The following TMEM87B variants were observed in gnomAD, a reference collection of about 807,000 sequenced individuals.
TMEM87B encodes transmembrane protein 87B.
TMEM87B carries 83 observed loss-of-function variants against 80.3 expected under a neutral mutation model. The observed-to-expected ratio is 1.03, with a 90% CI of 0.87 to 1.24. TMEM87B has a LOEUF of 1.24. Ranked by LOEUF, TMEM87B falls within the 50% of genes most tolerant of loss-of-function variation. The pLI is 0.00. For missense variants in TMEM87B, 625 were observed against 674.4 expected (o/e 0.93, Z 0.81); for synonymous variants, 219 against 230.5 (o/e 0.95, Z 0.45).
chr2:112,059,141 C>T (rs530675004), intron 1 of TMEM87B, among the ~76,000 whole-genome samples: 11 of 152,222 alleles, frequency 7.2e-5, no homozygotes, highest in African/African-American at 2.6e-4. Context: ...CTTGTCCTAT[C>T]AGTGTTTTTT....
rs757629241 is a variant in TMEM87B, at chr2:112,089,651, G to A, written c.965G>A (p.Arg322Gln). 2.0e-5 allele frequency: 33 copies of A among 1,614,094 alleles called. No individual in the cohort carries two copies. The highest frequency in any genetic ancestry group is 3.3e-5 in the South Asian group (3 of 91,074). ...VKPRLGTVMH[R>Q]VIGLGLLYLI... ...CCTCGTTTAGGAACAGTCATGCACC[G>A]GGTGATCGGACTGGGGCTTCTATAC... The change falls in exon 10 of 19, where the codon CGG becomes CAG. Residue 322 changes from arginine (R) to glutamine (Q), a missense_variant. By Grantham distance (43) the Arg-to-Gln change is conservative (BLOSUM62 1). Transcript: ENST00000283206.
chr2:112,077,170 A>C (rs1198781024), intron 5 of TMEM87B, 22 bp from the exon 6 acceptor site: 1 of 1,429,300 alleles, frequency 7.0e-7, no homozygotes, highest in Non-Finnish European at 9.6e-7. Flanking sequence ...ATAATGAAGA[A>C]TTTTTTTCAC....
chr2:112,083,927 A>G (rs1487552672), intron 8 of TMEM87B, among the ~76,000 whole-genome samples: 1 of 152,226 alleles, frequency 6.6e-6, no homozygotes, highest in Non-Finnish European at 1.5e-5. Context: ...ATATGTGATG[A>G]GAGGCAAGAG....
In TMEM87B at chr2:112,059,977, A is replaced by C; in HGVS notation, c.166A>C (p.Lys56Gln). The change falls in exon 2 of 19, where the codon AAA (lysine) becomes CAA (glutamine). Residue 56 changes from lysine to glutamine, a missense_variant and splice_region_variant. By Grantham distance (53) the Lys-to-Gln change is moderately conservative. Transcript: ENST00000283206. Reference sequence around the variant, plus strand: ...TTCCTGTGTTTGTTTTTCATTTTAGAAATCAGGACCTTTGATATTTAGGAA... The same window carrying C: ...TTCCTGTGTTTGTTTTTCATTTTAGCAATCAGGACCTTTGATATTTAGGAA... ...LGLWLETVND[K>Q]SGPLIFRKTM... is the part of the protein sequence containing the mutation. 9 of 1,593,336 alleles carry C rather than the reference A, an allele frequency of 5.6e-6. No homozygotes were observed. Among genetic ancestry groups the C allele is most frequent in the Non-Finnish European group, 7.7e-6 (9 of 1,167,300 alleles).
chr2:112,080,564 A>T (rs1320280329), intron 6 of TMEM87B, among the ~76,000 whole-genome samples: 2 of 152,132 alleles, frequency 1.3e-5, no homozygotes, highest in Non-Finnish European at 2.9e-5. Flanking sequence ...CGGCCTGCCC[A>T]TTCTTTTAAT....
At chr2:112,080,966 G>GTT in intron 6 of TMEM87B, 91 bp from the exon 7 acceptor site, 3 of 1,105,742 alleles carry the variant, frequency 2.7e-6, no homozygotes, top group South Asian at 2.6e-5. Context: ...TGTTAGTGTG[G>GTT]TTTGTATTCT....
intron 17 of TMEM87B, 147 bp from the exon 18 acceptor site, chr2:112,112,752 C>T: frequency 2.8e-6 from 2 of 714,162 alleles, no homozygotes; most frequent in Non-Finnish European, 2.4e-6. Context: ...GCATGTCTGT[C>T]TGCGAGCCTA....
chr2:112,056,351 A>AGT (rs1460422907), intron 1 of TMEM87B, among the ~76,000 whole-genome samples: 4 of 151,800 alleles, frequency 2.6e-5, no homozygotes, highest in East Asian at 3.9e-4. Flanking sequence ...CGGGAGAGAG[A>AGT]GTGTGTGTGT....
intron 14 of TMEM87B, among the ~76,000 whole-genome samples, chr2:112,099,696 C>A (rs1452939210): frequency 1.3e-5 from 2 of 150,556 alleles, no homozygotes; most frequent in Non-Finnish European, 3.0e-5. Flanking sequence ...GGCAACAAGG[C>A]AAAACCCTCT....
At chr2:112,061,485 C>G (rs1178740479) in intron 2 of TMEM87B, among the ~76,000 whole-genome samples, 5 of 152,236 alleles carry the variant, frequency 3.3e-5, no homozygotes, top group Non-Finnish European at 5.9e-5. Flanking sequence ...TGGTTTCAAG[C>G]AGCTCTGTAA....
intron 4 of TMEM87B, among the ~76,000 whole-genome samples, chr2:112,068,296 G>A (rs1678500426): frequency 6.6e-6 from 1 of 152,146 alleles, no homozygotes; most frequent in Non-Finnish European, 1.5e-5. Flanking sequence ...TTTATTTTTT[G>A]TTCTTTTGTA....
Position 112,116,247 on chromosome 2 carries a change from T to C in TMEM87B, c.*104T>C, listed in dbSNP as rs1009209440. 9.5e-6 allele frequency: 9 copies of C among 951,944 alleles called. No individual in the cohort carries two copies. The highest frequency in any genetic ancestry group is 2.5e-5 in the Admixed American group (1 of 40,352). The allele number at this position is 951,944 out of a possible 1,614,324, so 59.0% of individuals were successfully genotyped here. A position where few individuals can be genotyped will look rare whatever the true frequency, so the allele number is the denominator to read the frequency against. ...TTGCCTAAAAATTTTTATTGTGTTATCTTGGAAGTCTGTGTATCAAAATGA... is the reference window on the plus strand; with the variant it reads ...TTGCCTAAAAATTTTTATTGTGTTACCTTGGAAGTCTGTGTATCAAAATGA... On this transcript the variant is annotated 3_prime_UTR_variant, in exon 19 of 19. Transcript: ENST00000283206.
chr2:112,095,156 T>G, intron 11 of TMEM87B: 1 of 926,614 alleles, frequency 1.1e-6, no homozygotes, highest in Non-Finnish European at 1.3e-6. Flanking sequence ...TCTTTTCTTT[T>G]CTTTCTTTCT....
Position 112,100,705 on chromosome 2 carries a change from A to G in TMEM87B, c.1450+10A>G. On this transcript the variant is annotated intron_variant, in intron 15 of 18. Coordinates refer to ENST00000283206, the MANE Select transcript of TMEM87B (RefSeq NM_032824.3). ...ACTTCTGAAAATTTAAGTGAGTAAT[A>G]TGTTTTCTTTTTAAATGACCATTGT... is the stretch of plus-strand genomic sequence containing the variant. The G allele has an allele frequency of 6.4e-7, 1 of 1,558,622 alleles. No homozygotes were observed. The highest frequency in any genetic ancestry group is 1.1e-5 in the South Asian group (1 of 89,006).
chr2:112,096,714 G>A (rs966715342), intron 11 of TMEM87B, among the ~76,000 whole-genome samples: 1 of 152,268 alleles, frequency 6.6e-6, no homozygotes, highest in African/African-American at 2.4e-5. Flanking sequence ...TCTGTAAAGA[G>A]TGTCTCACTT....
intron 9 of TMEM87B, among the ~76,000 whole-genome samples, chr2:112,086,578 T>C (rs1041298263): frequency 6.6e-6 from 1 of 152,216 alleles, no homozygotes; most frequent in African/African-American, 2.4e-5. Context: ...TGGGCATAAC[T>C]ATGGGAGAAC....
chr2:112,064,505 G>A (rs1402634918), intron 3 of TMEM87B, among the ~76,000 whole-genome samples: 4 of 152,138 alleles, frequency 2.6e-5, no homozygotes, highest in Non-Finnish European at 2.9e-5. Flanking sequence ...TGATAAAGAC[G>A]CATACATACA....
At chr2:112,059,027 C>T (rs1678165639) in intron 1 of TMEM87B, among the ~76,000 whole-genome samples, 1 of 152,086 alleles carries the variant, frequency 6.6e-6, no homozygotes, top group African/African-American at 2.4e-5. Context: ...TGGACATGTC[C>T]TTTAGGCAGT....
Position 112,055,461 on chromosome 2 carries a change from C to G in TMEM87B, c.-131C>G, listed in dbSNP as rs1006887873. The stretch of plus-strand genomic sequence containing the variant: ...CGGCGCCTCTCCGCCCAGGCCCAAG[C>G]GCGAGCCCCTCCTCCACACCCGAGT... On this transcript the variant is annotated 5_prime_UTR_variant, in exon 1 of 19. Transcript: ENST00000283206. 1 of 1,109,988 alleles carries G rather than the reference C, an allele frequency of 9.0e-7. No homozygotes were observed. Among genetic ancestry groups the G allele is most frequent in the Non-Finnish European group, 1.2e-6 (1 of 829,428 alleles). 68.8% of individuals were successfully genotyped at this position (1,109,988 alleles called of 1,614,324 possible).
Sources: allele counts gnomAD v4.1 joint callset (sites outside exome capture counted in the v4.1 genomes callset), GRCh38; gene constraint gnomAD v4.1.1; transcripts MANE v1.5; gene names NCBI Gene and HGNC (gene_info 2026-07-23, HGNC 2026-07-21).